PPP2R1B: variants seen among roughly 807,000 people sequenced by gnomAD.
The protein encoded by PPP2R1B is serine/threonine-protein phosphatase 2A 65 kDa regulatory subunit A beta isoform.
A neutral mutation model predicts 72.7 loss-of-function variants in PPP2R1B; 58 were observed. The ratio of observed to expected loss-of-function variants is 0.80; its 90% CI spans 0.65 to 0.99. The LOEUF is 0.99. PPP2R1B is among the 50% of genes least tolerant of loss of function. PPP2R1B has a pLI of 0.00. For synonymous variants in PPP2R1B, 256 were observed against 264.6 expected, an observed-to-expected ratio of 0.97 and a Z score of 0.32; for missense variants, 695 against 733.6, an observed-to-expected ratio of 0.95 and a Z score of 0.61.
rs988775316 is a variant in PPP2R1B at position 111,741,003 on chromosome 11, A to G, written c.*593T>C. ...AATGACATGAGTACAGACAAAATTGAGCAAATAAAAACCAAAACAACCACT... is the reference window on the plus strand; with the variant it reads ...AATGACATGAGTACAGACAAAATTGGGCAAATAAAAACCAAAACAACCACT... On this transcript the variant is annotated 3_prime_UTR_variant, in exon 15 of 15. Transcript: ENST00000527614. The G allele has an allele frequency of 1.0e-6, 1 of 985,722 alleles. No individual in the cohort carries two copies. Among genetic ancestry groups the G allele is most frequent in the Non-Finnish European group, 1.2e-6 (1 of 830,128 alleles). The allele number at this position is 985,722 out of a possible 1,614,324, so 61.1% of individuals were successfully genotyped here. A position where few individuals can be genotyped will look rare whatever the true frequency, so the allele number is the denominator to read the frequency against.
intron 1 of PPP2R1B, 84 bp downstream of exon 1, chr11:111,766,164 A>G: frequency 1.5e-6 from 2 of 1,364,756 alleles, no homozygotes; most frequent in Non-Finnish European, 2.1e-6. Flanking sequence ...TACCTCGGCC[A>G]CCCCCACCGC....
intron 15 of PPP2R1B, chr11:111,730,740 AAAT>A (rs921856450): frequency 6.6e-6 from 1 of 152,212 alleles, no homozygotes. Flanking sequence ...GCAGTGTAAT[AAAT>A]AATCTCTGTA....
the PPP2R1B span, chr11:111,701,435 A>G: frequency 6.2e-7 from 1 of 1,608,302 alleles, no homozygotes; most frequent in African/African-American, 1.3e-5. The surrounding 1 kb of genome is among the most constrained non-coding windows in gnomAD (Gnocchi z 4.2). Context: ...AAGTCTCTGC[A>G]TTGTTTTCTT....
downstream of PPP2R1B, chr11:111,723,930 A>G (rs1943885768): frequency 6.2e-7 from 1 of 1,613,890 alleles, no homozygotes; most frequent in South Asian, 1.1e-5. Context: ...GCGCCAGACT[A>G]TCCCACTCCC....
chr11:111,709,018 T>C, the PPP2R1B span, among the ~76,000 whole-genome samples: 1 of 152,236 alleles, frequency 6.6e-6, no homozygotes, highest in South Asian at 2.1e-4. Context: ...GAGGTTGCCC[T>C]TCACAACAGG....
downstream of PPP2R1B, chr11:111,737,665 G>A (rs1944378289): frequency 5.7e-6 from 9 of 1,576,020 alleles, no homozygotes; most frequent in Non-Finnish European, 7.7e-6. Flanking sequence ...CCTCAGTTGT[G>A]CCAGCAGAGT....
intron 15 of PPP2R1B, chr11:111,729,493 T>A (rs879547395): frequency 2.0e-5 from 3 of 152,280 alleles, no homozygotes; most frequent in Non-Finnish European, 4.4e-5. Context: ...ACCAAAGCTT[T>A]GGGAAGTTTG....
chr11:111,714,690 G>A, the PPP2R1B span, among the ~76,000 whole-genome samples: 1 of 152,206 alleles, frequency 6.6e-6, no homozygotes, highest in Non-Finnish European at 1.5e-5. Flanking sequence ...ACTAAAGGCA[G>A]GGCAGATTCA....
downstream of PPP2R1B, chr11:111,722,038 A>T: frequency 1.1e-6 from 1 of 895,282 alleles, no homozygotes. This position sits in a 1 kb window ranked among gnomAD's most constrained non-coding sequence, Gnocchi z 4.4. Flanking sequence ...TATTTAGGGT[A>T]GCTGCTTGAT....
chr11:111,739,654 CA>C lies in PPP2R1B; in HGVS notation c.*1941del. The C allele has an allele frequency of 1.0e-6, 1 of 985,386 alleles. No homozygotes were observed. The highest frequency in any genetic ancestry group is 1.2e-6 in the Non-Finnish European group (1 of 829,926). 61.0% of individuals were successfully genotyped at this position (985,386 alleles called of 1,614,324 possible). ...TCTGTCCCCAAAACAATGGCATTTC[CA>C]ACCAGAGTAAAGCAATGGTTCCAGT... On this transcript the variant is annotated 3_prime_UTR_variant, in exon 15 of 15. Transcript: ENST00000527614.
At chr11:111,715,315 A>C in the PPP2R1B span, among the ~76,000 whole-genome samples, 1 of 152,228 alleles carries the variant, frequency 6.6e-6, no homozygotes, top group Non-Finnish European at 1.5e-5. Context: ...GTGCACACAC[A>C]CACACAGAAA....
the PPP2R1B span, chr11:111,720,334 C>T: frequency 1.1e-6 from 1 of 876,258 alleles, no homozygotes; most frequent in Non-Finnish European, 1.7e-6. Flanking sequence ...ACTAAATTGG[C>T]CAGTAAAAGG....
At chr11:111,713,155 A>G in the PPP2R1B span, among the ~76,000 whole-genome samples, 1 of 151,918 alleles carries the variant, frequency 6.6e-6, no homozygotes, top group South Asian at 2.1e-4. Context: ...ACAGAGTGAG[A>G]CTCCATCTCA....
chr11:111,737,512 C>T, downstream of PPP2R1B: 1 of 1,614,230 alleles, frequency 6.2e-7, no homozygotes, highest in South Asian at 1.1e-5. Flanking sequence ...CCGAGGGACA[C>T]TGGGTTCTCC....
At position 111,741,575 on chromosome 11, in the gene PPP2R1B, C is replaced by A; in HGVS notation, c.*21G>T. ...ATTTGTGACAAGAATCTAGTAAAGG[C>A]CTTTTCCCTCCTGCTCCTCATTATG... On this transcript the variant is annotated 3_prime_UTR_variant, in exon 15 of 15. Transcript: ENST00000527614. 6.2e-7 allele frequency: 1 copy of A among 1,612,370 alleles called. No individual in the cohort carries two copies. The highest frequency in any genetic ancestry group is 8.5e-7 in the Non-Finnish European group (1 of 1,179,650).
chr11:111,739,468 A>G lies in PPP2R1B; in HGVS notation c.*2128T>C. On this transcript the variant is annotated 3_prime_UTR_variant, in exon 15 of 15. Transcript: ENST00000527614. ...CTATTGCTTAAGTCAGAAGGAAACA[A>G]TGAAACCCCTGAGGGGTCACCACAA... 2 of 985,462 alleles carry G rather than the reference A, an allele frequency of 2.0e-6. No homozygotes were observed. Among genetic ancestry groups the G allele is most frequent in the Non-Finnish European group, 2.4e-6 (2 of 829,930 alleles). 61.0% of individuals were successfully genotyped at this position (985,462 alleles called of 1,614,324 possible).
chr11:111,696,105 C>CT, the PPP2R1B span, among the ~76,000 whole-genome samples: 2 of 152,146 alleles, frequency 1.3e-5, no homozygotes, highest in Admixed American at 6.5e-5. Flanking sequence ...GATAACTGAT[C>CT]TGTAATTAAA....
chr11:111,727,602 G>A (rs964715055), intron 15 of PPP2R1B: 1 of 156,658 alleles, frequency 6.4e-6, no homozygotes, highest in Non-Finnish European at 1.4e-5. Flanking sequence ...CAGCAGAAGA[G>A]ACTCATCATA....
At chr11:111,757,532 T>C (rs956732958) in intron 5 of PPP2R1B, among the ~76,000 whole-genome samples, 28 of 152,132 alleles carry the variant, frequency 1.8e-4, no homozygotes, top group African/African-American at 5.6e-4. Flanking sequence ...CTAATACATA[T>C]TTGTTAAAAA....
Sources: allele counts gnomAD v4.1 joint callset (sites outside exome capture counted in the v4.1 genomes callset), GRCh38; gene constraint gnomAD v4.1.1; non-coding constraint Gnocchi (gnomAD v3.1); transcripts MANE v1.5; gene names NCBI Gene and HGNC (gene_info 2026-07-23, HGNC 2026-07-21).